RGS8: variants seen among roughly 807,000 people sequenced by gnomAD.
The protein encoded by RGS8 is regulator of G-protein signaling 8.
In RGS8, 8 loss-of-function variants were observed where a neutral mutation model predicts 21.7. That is an observed-to-expected ratio of 0.37 (90% CI 0.22 to 0.66). The LOEUF is 0.66. Ranked by LOEUF, RGS8 falls within the 30% of genes least tolerant of loss-of-function variation. RGS8 has a pLI of 0.59. For synonymous variants in RGS8, 80 were observed against 83.6 expected (o/e 0.96, Z 0.24); for missense variants, 157 against 217.9 (o/e 0.72, Z 1.76).
upstream of RGS8, chr1:182,672,184 AC>A (rs1664201513): frequency 5.8e-6 from 1 of 171,570 alleles, no homozygotes; most frequent in Non-Finnish European, 1.2e-5. Flanking sequence ...TGTCCAGGGG[AC>A]CCTCTTCTAA....
chr1:182,664,112 C>G (rs1258390711), intron 5 of RGS8, among the ~76,000 whole-genome samples: 1 of 152,192 alleles, frequency 6.6e-6, no homozygotes, highest in Non-Finnish European at 1.5e-5. Context: ...AAACCTCTTA[C>G]ATTTCTAGGT....
the RGS8 span, among the ~76,000 whole-genome samples, chr1:182,692,572 C>CTA: frequency 6.7e-6 from 1 of 149,086 alleles, no homozygotes; most frequent in African/African-American, 2.5e-5. Flanking sequence ...AGATTCAGTG[C>CTA]TATACCTATC....
upstream of RGS8, among the ~76,000 whole-genome samples, chr1:182,689,099 T>A (rs570447575): frequency 6.6e-6 from 1 of 152,256 alleles, no homozygotes; most frequent in South Asian, 2.1e-4. Context: ...TCTTTGCATT[T>A]CAACAGGAGC....
chr1:182,745,329 C>T, the RGS8 span, among the ~76,000 whole-genome samples: 1 of 148,744 alleles, frequency 6.7e-6, no homozygotes, highest in Admixed American at 6.8e-5. Context: ...TCTGAAGGGC[C>T]TATTTATTTA....
intron 5 of RGS8, among the ~76,000 whole-genome samples, chr1:182,652,642 G>A (rs1476881436): frequency 2.6e-5 from 4 of 152,236 alleles, no homozygotes; most frequent in Non-Finnish European, 5.9e-5. Context: ...GCTAAAAGCA[G>A]ATATAATCGT....
At chr1:182,662,551 C>T (rs1042526562) in intron 5 of RGS8, among the ~76,000 whole-genome samples, 2 of 152,210 alleles carry the variant, frequency 1.3e-5, no homozygotes, top group Non-Finnish European at 2.9e-5. Flanking sequence ...ATGCTCTTCG[C>T]TTAATTGTCC....
the RGS8 span, among the ~76,000 whole-genome samples, chr1:182,703,078 A>G: frequency 6.6e-6 from 1 of 152,226 alleles, no homozygotes. Context: ...TGTACCATGC[A>G]CTTTGCAATG....
At chr1:182,694,636 G>A in the RGS8 span, among the ~76,000 whole-genome samples, 2 of 151,990 alleles carry the variant, frequency 1.3e-5, no homozygotes, top group Non-Finnish European at 2.9e-5. Context: ...GTGAAACCCT[G>A]TCTCTACTAA....
chr1:182,729,512 T>G, the RGS8 span, among the ~76,000 whole-genome samples: 1 of 152,228 alleles, frequency 6.6e-6, no homozygotes, highest in South Asian at 2.1e-4. Flanking sequence ...TAAGTCAGAA[T>G]TCTATGAAAA....
chr1:182,645,633 A>C (rs1222682038), downstream of RGS8: 1 of 152,244 alleles, frequency 6.6e-6, no homozygotes, highest in Non-Finnish European at 1.5e-5. Flanking sequence ...AAGGTGCTTC[A>C]TAGTATCCAA....
At chr1:182,654,523 G>A (rs1384537769) in intron 5 of RGS8, among the ~76,000 whole-genome samples, 1 of 152,126 alleles carries the variant, frequency 6.6e-6, no homozygotes. Flanking sequence ...TTGGGGCTAC[G>A]GCACAAACAC....
At chr1:182,691,797 T>A in the RGS8 span, among the ~76,000 whole-genome samples, 1 of 151,766 alleles carries the variant, frequency 6.6e-6, no homozygotes, top group Non-Finnish European at 1.5e-5. Flanking sequence ...CTATCCAACA[T>A]AGTACTAGAA....
At chr1:182,662,095 T>A (rs1253197906) in intron 5 of RGS8, among the ~76,000 whole-genome samples, 1 of 152,128 alleles carries the variant, frequency 6.6e-6, no homozygotes, top group African/African-American at 2.4e-5. Flanking sequence ...TAAACAAATA[T>A]AATTGGAAAT....
intron 5 of RGS8, among the ~76,000 whole-genome samples, chr1:182,652,770 A>T (rs1203000609): frequency 6.6e-6 from 1 of 152,224 alleles, no homozygotes; most frequent in Non-Finnish European, 1.5e-5. Context: ...TGAAGGACCC[A>T]GGAGGGGTGC....
At chr1:182,642,268 C>T (rs1247441553), downstream of RGS8, 1 of 152,212 alleles carries the variant, frequency 6.6e-6, no homozygotes, top group African/African-American at 2.4e-5. Context: ...CATGGTGGGA[C>T]AGGCTCTCAG....
the RGS8 span, among the ~76,000 whole-genome samples, chr1:182,718,280 C>T: frequency 6.6e-6 from 1 of 152,186 alleles, no homozygotes; most frequent in Non-Finnish European, 1.5e-5. Context: ...ACATCTGAGT[C>T]CTAGAGAGAC....
At chr1:182,664,737 T>C (rs1475904082) in intron 5 of RGS8, among the ~76,000 whole-genome samples, 1 of 152,260 alleles carries the variant, frequency 6.6e-6, no homozygotes, top group Non-Finnish European at 1.5e-5. Context: ...CTTATTTTCC[T>C]TCCTAAGTGC....
chr1:182,648,134 C>T lies in RGS8; in HGVS notation c.360+3G>A, dbSNP rs1200025139. The T allele has an allele frequency of 6.3e-7, 1 of 1,594,782 alleles. No homozygotes were observed. The highest frequency in any genetic ancestry group is 1.1e-5 in the South Asian group (1 of 88,152). On this transcript the variant is annotated splice_donor_region_variant and intron_variant, in intron 6 of 6. Coordinates refer to ENST00000483095, the Ensembl canonical transcript of RGS8. Reference sequence around the variant, plus strand: ...GACAGGATGGTCGCCGCTGCCAACACACCTCCCGTGGAGCCTGCACATCCA... The same window carrying T: ...GACAGGATGGTCGCCGCTGCCAACATACCTCCCGTGGAGCCTGCACATCCA...
chr1:182,671,965 GCA>G (rs1358882859), upstream of RGS8: 8 of 1,332,258 alleles, frequency 6.0e-6, no homozygotes, highest in African/African-American at 1.5e-5. Flanking sequence ...CAGCTCCCGG[GCA>G]CAGTCTGCAC....
Sources: allele counts gnomAD v4.1 joint callset (sites outside exome capture counted in the v4.1 genomes callset), GRCh38; gene constraint gnomAD v4.1.1; transcripts MANE v1.5; gene names NCBI Gene and HGNC (gene_info 2026-07-23, HGNC 2026-07-21).